Variants in LAMA2 observed in about 807,000 individuals in gnomAD.
The protein encoded by LAMA2 is laminin subunit alpha-2.
In LAMA2, 269 loss-of-function variants were observed where a neutral mutation model predicts 364.8. The observed-to-expected ratio is 0.74, with a 90% CI of 0.67 to 0.82. The LOEUF (loss-of-function observed/expected upper bound fraction) is 0.82, where lower values mean the gene tolerates loss of function less well. LAMA2 is among the 40% of genes least tolerant of loss of function. LAMA2 has a pLI of 0.00. For synonymous variants in LAMA2, 1,379 were observed against 1,370.6 expected (o/e 1.01, Z -0.14); for missense variants, 3,807 against 3,873.2 (o/e 0.98, Z 0.45).
intron 42 of LAMA2, 74 bp downstream of exon 42, chr6:129,438,836 T>G: frequency 1.2e-6 from 1 of 811,436 alleles, no homozygotes; most frequent in East Asian, 2.4e-5. Context: ...TTTTACCATT[T>G]TTTTCTAAGA....
At chr6:129,081,215 G>A (rs527338226) in intron 3 of LAMA2, among the ~76,000 whole-genome samples, 43 of 151,692 alleles carry the variant, frequency 2.8e-4, no homozygotes, top group African/African-American at 9.9e-4. Flanking sequence ...GACACAGGGT[G>A]GGTAACATCA....
chr6:129,278,815 A>G (rs1189736447), intron 17 of LAMA2, among the ~76,000 whole-genome samples: 1 of 152,182 alleles, frequency 6.6e-6, no homozygotes, highest in Non-Finnish European at 1.5e-5. Flanking sequence ...AATGTTTAAA[A>G]TGATAGACTT....
At chr6:129,029,871 A>G (rs1786101108) in intron 1 of LAMA2, among the ~76,000 whole-genome samples, 1 of 151,978 alleles carries the variant, frequency 6.6e-6, no homozygotes, top group African/African-American at 2.4e-5. Context: ...TTTTTCTCAG[A>G]CCTCTAGGGC....
At chr6:129,090,743 C>G (rs534387672) in intron 3 of LAMA2, among the ~76,000 whole-genome samples, 1 of 152,266 alleles carries the variant, frequency 6.6e-6, no homozygotes, top group African/African-American at 2.4e-5. Flanking sequence ...TTTGGCACAA[C>G]CACTTTATAG....
At chr6:129,291,761 C>A (rs1390623622) in intron 20 of LAMA2, 41 bp downstream of exon 20, 4 of 1,299,898 alleles carry the variant, frequency 3.1e-6, no homozygotes, top group African/African-American at 2.9e-5. Context: ...TTTCTCCTTA[C>A]AGATTTTCAC....
At chr6:129,198,368 A>G (rs1194593396) in intron 12 of LAMA2, among the ~76,000 whole-genome samples, 1 of 152,226 alleles carries the variant, frequency 6.6e-6, no homozygotes, top group East Asian at 1.9e-4. Context: ...AGCCAGGATT[A>G]CAATCCAGAT....
At chr6:129,268,332 A>G (rs943465576) in intron 16 of LAMA2, among the ~76,000 whole-genome samples, 5 of 151,986 alleles carry the variant, frequency 3.3e-5, no homozygotes, top group African/African-American at 4.8e-5. Context: ...AAGTCTTTTA[A>G]AATGTACTTT....
intron 41 of LAMA2, among the ~76,000 whole-genome samples, chr6:129,428,523 T>G (rs903571279): frequency 6.6e-6 from 1 of 152,194 alleles, no homozygotes; most frequent in African/African-American, 2.4e-5. Flanking sequence ...GGTGCGATCT[T>G]GGCTCACTGC....
rs748705779 is a variant in LAMA2 at position 129,456,319 on chromosome 6, A to G, written c.6708-16A>G. On this transcript the variant is annotated splice_polypyrimidine_tract_variant and intron_variant, in intron 47 of 64. Transcript: ENST00000421865. Reference sequence around the variant, plus strand: ...CTGTATGTTCCTCCCCTTCACTTCAACACGTACCCTTGAAGAACTGGGAGA... The same window carrying G: ...CTGTATGTTCCTCCCCTTCACTTCAGCACGTACCCTTGAAGAACTGGGAGA... 5.0e-6 allele frequency: 8 copies of G among 1,612,526 alleles called. No homozygotes were observed. The highest frequency in any genetic ancestry group is 6.8e-6 in the Non-Finnish European group (8 of 1,178,758).
intron 1 of LAMA2, among the ~76,000 whole-genome samples, chr6:128,921,385 A>G (rs1408172645): frequency 6.6e-6 from 1 of 152,208 alleles, no homozygotes; most frequent in African/African-American, 2.4e-5. Context: ...TCTTAACCCC[A>G]GGTAACTATG....
intron 46 of LAMA2, among the ~76,000 whole-genome samples, chr6:129,453,341 A>T (rs556746620): frequency 8.9e-4 from 136 of 152,338 alleles, no homozygotes; most frequent in African/African-American, 2.9e-3. Context: ...TACAGTGTTT[A>T]GTCACATTTA....
At chr6:129,310,791 C>G (rs1774171629) in intron 22 of LAMA2, among the ~76,000 whole-genome samples, 1 of 152,140 alleles carries the variant, frequency 6.6e-6, no homozygotes. Context: ...TCCTTCTCCC[C>G]ACTTGCAGCA....
intron 28 of LAMA2, among the ~76,000 whole-genome samples, chr6:129,325,195 ATAAAT>A (rs1448307857): frequency 6.6e-6 from 1 of 152,234 alleles, no homozygotes; most frequent in Admixed American, 6.5e-5. Flanking sequence ...TATTATGAAA[ATAAAT>A]TAAAGATAGA....
intron 1 of LAMA2, among the ~76,000 whole-genome samples, chr6:128,988,357 G>A (rs890072343): frequency 1.3e-5 from 2 of 151,466 alleles, no homozygotes; most frequent in Admixed American, 6.6e-5. Context: ...AGTGATGCTG[G>A]ACTAAAAAAA....
At chr6:129,086,093 G>A (rs1289986728) in intron 3 of LAMA2, among the ~76,000 whole-genome samples, 1 of 152,234 alleles carries the variant, frequency 6.6e-6, no homozygotes, top group African/African-American at 2.4e-5. Flanking sequence ...AGACCAGCTT[G>A]ACAAACTGTT....
At chr6:129,063,596 T>A (rs1789085211) in intron 3 of LAMA2, among the ~76,000 whole-genome samples, 1 of 152,142 alleles carries the variant, frequency 6.6e-6, no homozygotes, top group Non-Finnish European at 1.5e-5. Flanking sequence ...CATTAATTAG[T>A]TAAGCTCATG....
intron 12 of LAMA2, among the ~76,000 whole-genome samples, chr6:129,200,154 GTATA>G (rs200780219): frequency 1.3e-4 from 17 of 133,202 alleles, no homozygotes; most frequent in South Asian, 5.3e-4. Context: ...ATATACACGT[GTATA>G]TATATATACG....
At chr6:129,443,016 AATTT>A in intron 43 of LAMA2, 43 bp from the exon 44 acceptor site, 1 of 1,463,730 alleles carries the variant, frequency 6.8e-7, no homozygotes, top group Non-Finnish European at 9.5e-7. Flanking sequence ...CTTCCTCATG[AATTT>A]ATAATTTTTT....
At chr6:129,057,468 A>G (rs1213882701) in intron 2 of LAMA2, among the ~76,000 whole-genome samples, 1 of 152,264 alleles carries the variant, frequency 6.6e-6, no homozygotes. Flanking sequence ...ATGATGCTTT[A>G]TTAAATGATA....
Sources: gnomAD v4.1 joint callset for allele counts (sites outside exome capture counted in the v4.1 genomes callset) on GRCh38, gnomAD v4.1.1 for gene constraint, MANE v1.5 for transcripts, NCBI Gene and HGNC (gene_info 2026-07-23, HGNC 2026-07-21) for gene names.